The following SPRR2G variants were observed in gnomAD, a reference collection of about 807,000 sequenced individuals.
The protein encoded by SPRR2G is small proline rich protein 2G, also known as small proline-rich protein 2G.
SPRR2G carries 1 observed loss-of-function variant against 0.7 expected under a neutral mutation model. The ratio of observed to expected loss-of-function variants is 1.49; its 90% CI spans 0.53 to 7.06. The LOEUF is 7.06. SPRR2G is among the 30% of genes most tolerant of loss of function. The pLI is 0.14. For missense variants in SPRR2G, 96 were observed against 88.5 expected (o/e 1.09, Z -0.34); for synonymous variants, 38 against 33.9 (o/e 1.12, Z -0.42).
chr1:153,191,078 G>A, the SPRR2G span: 1 of 152,258 alleles, frequency 6.6e-6, no homozygotes, highest in South Asian at 2.1e-4. Flanking sequence ...AGGGGACCTG[G>A]TTCAAGTCAG....
the SPRR2G span, among the ~76,000 whole-genome samples, chr1:153,185,249 T>C: frequency 1.3e-5 from 2 of 152,230 alleles, no homozygotes; most frequent in African/African-American, 4.8e-5. Flanking sequence ...TCCCTCTTTT[T>C]CTATTGTTTG....
At chr1:153,165,948 G>C in the SPRR2G span, among the ~76,000 whole-genome samples, 1 of 152,282 alleles carries the variant, frequency 6.6e-6, no homozygotes, top group South Asian at 2.1e-4. Context: ...TGTCTTTCTT[G>C]TCCTGTGTTG....
chr1:153,189,371 G>T, the SPRR2G span, among the ~76,000 whole-genome samples: 2,122 of 151,882 alleles, frequency 0.014, 55 homozygotes, highest in African/African-American at 0.049. Flanking sequence ...ATTCTTCTAA[G>T]TCAGACATCA....
In SPRR2G at chr1:153,149,832, G is replaced by A; in HGVS notation, c.*57C>T. 1 of 1,596,520 alleles carries A rather than the reference G, an allele frequency of 6.3e-7. No homozygotes were observed. Among genetic ancestry groups the A allele is most frequent in the East Asian group, 2.2e-5 (1 of 44,788 alleles). On this transcript the variant is annotated 3_prime_UTR_variant, in exon 2 of 2. Coordinates refer to ENST00000368748, the MANE Select transcript of SPRR2G (RefSeq NM_001014291.4). ...TGAAGGGAAGATGATGGAGTCCTGG[G>A]AGTAAGAAGAGCCACTGGATCTTGT... is the stretch of plus-strand genomic sequence containing the variant.
the SPRR2G span, among the ~76,000 whole-genome samples, chr1:153,187,323 C>T: frequency 6.6e-6 from 1 of 152,192 alleles, no homozygotes; most frequent in Non-Finnish European, 1.5e-5. Context: ...CTCCCCGTCA[C>T]TTTCACATAC....
At chr1:153,195,418 C>T in the SPRR2G span, among the ~76,000 whole-genome samples, 2 of 152,200 alleles carry the variant, frequency 1.3e-5, no homozygotes, top group African/African-American at 4.8e-5. Flanking sequence ...CAGACCTGCT[C>T]TCCATTCTCT....
chr1:153,200,265 A>G, the SPRR2G span, among the ~76,000 whole-genome samples: 6 of 151,928 alleles, frequency 3.9e-5, no homozygotes, highest in East Asian at 7.7e-4. Context: ...AAGGCAGGGG[A>G]AAAAAATGCT....
At chr1:153,182,300 C>A in the SPRR2G span, among the ~76,000 whole-genome samples, 1 of 151,414 alleles carries the variant, frequency 6.6e-6, no homozygotes, top group African/African-American at 2.4e-5. Context: ...CCTGCATACC[C>A]AAAATATAAT....
the SPRR2G span, among the ~76,000 whole-genome samples, chr1:153,180,303 G>T: frequency 6.6e-6 from 1 of 152,028 alleles, no homozygotes; most frequent in East Asian, 1.9e-4. Flanking sequence ...CTTTTTCCTG[G>T]CATCTAACAC....
At chr1:153,193,456 A>G in the SPRR2G span, among the ~76,000 whole-genome samples, 1 of 152,142 alleles carries the variant, frequency 6.6e-6, no homozygotes, top group Non-Finnish European at 1.5e-5. Context: ...ACACACTCAC[A>G]CGCACACACA....
chr1:153,159,483 T>TGTC, the SPRR2G span, among the ~76,000 whole-genome samples: 1 of 152,242 alleles, frequency 6.6e-6, no homozygotes, highest in Admixed American at 6.5e-5. Context: ...CACATCTTCC[T>TGTC]GTCTTCTTCT....
chr1:153,169,005 C>T, the SPRR2G span, among the ~76,000 whole-genome samples: 6 of 151,734 alleles, frequency 4.0e-5, no homozygotes, highest in Admixed American at 3.9e-4. Flanking sequence ...CCTAAGCCTC[C>T]CAACTGACTA....
the SPRR2G span, among the ~76,000 whole-genome samples, chr1:153,180,330 A>G: frequency 4.6e-5 from 7 of 152,086 alleles, no homozygotes; most frequent in Admixed American, 2.6e-4. Context: ...TTTGTTCTTC[A>G]TGTTCTGAAC....
chr1:153,166,708 T>C, the SPRR2G span, among the ~76,000 whole-genome samples: 1 of 152,178 alleles, frequency 6.6e-6, no homozygotes, highest in African/African-American at 2.4e-5. Flanking sequence ...CTCACTCCCA[T>C]ATTAGCCCAC....
At chr1:153,180,009 C>T in the SPRR2G span, among the ~76,000 whole-genome samples, 62 of 152,276 alleles carry the variant, frequency 4.1e-4, no homozygotes, top group South Asian at 1.2e-3. Flanking sequence ...CTTATGCTGA[C>T]TTCATCATAT....
the SPRR2G span, among the ~76,000 whole-genome samples, chr1:153,159,272 G>T: frequency 2.0e-5 from 3 of 152,148 alleles, no homozygotes; most frequent in African/African-American, 7.2e-5. Flanking sequence ...TTCAAGTTCA[G>T]AGCACCACAC....
upstream of SPRR2G, among the ~76,000 whole-genome samples, chr1:153,151,212 A>C (rs138885511): frequency 2.0e-5 from 3 of 151,810 alleles, no homozygotes; most frequent in Admixed American, 2.0e-4. Flanking sequence ...ATGTAAAACT[A>C]CTCCCATTCA....
the SPRR2G span, among the ~76,000 whole-genome samples, chr1:153,198,570 T>G: frequency 3.3e-5 from 5 of 152,020 alleles, no homozygotes; most frequent in African/African-American, 9.7e-5. Context: ...CAGATCCTGA[T>G]AGCACATTTG....
the SPRR2G span, among the ~76,000 whole-genome samples, chr1:153,196,045 T>G: frequency 6.6e-6 from 1 of 152,226 alleles, no homozygotes; most frequent in Admixed American, 6.5e-5. Flanking sequence ...TCTTTTTAAA[T>G]TTATTTATAT....
Sources: gnomAD v4.1 joint callset for allele counts (sites outside exome capture counted in the v4.1 genomes callset) on GRCh38, gnomAD v4.1.1 for gene constraint, MANE v1.5 for transcripts, NCBI Gene and HGNC (gene_info 2026-07-23, HGNC 2026-07-21) for gene names.